Variants in RPS6KA2 observed in about 807,000 individuals in gnomAD.
The protein encoded by RPS6KA2 is ribosomal protein S6 kinase alpha-2.
RPS6KA2 carries 42 observed loss-of-function variants against 91.8 expected under a neutral mutation model. The observed-to-expected ratio is 0.46, with a 90% CI of 0.36 to 0.59. RPS6KA2 has a LOEUF of 0.59. RPS6KA2 is among the 20% of genes least tolerant of loss of function. The pLI is 0.00. For missense variants in RPS6KA2, 798 were observed against 978.5 expected, an observed-to-expected ratio of 0.82 and a Z score of 2.46; for synonymous variants, 414 against 393.6, an observed-to-expected ratio of 1.05 and a Z score of -0.61.
At chr6:166,466,897 C>CATT (rs1780549150) in intron 11 of RPS6KA2, among the ~76,000 whole-genome samples, 1 of 112,716 alleles carries the variant, frequency 8.9e-6, no homozygotes, top group Non-Finnish European at 2.0e-5. Flanking sequence ...TTCACTCACT[C>CATT]CCTCATTCAC....
At chr6:166,542,638 C>A (rs886653621) in intron 1 of RPS6KA2, among the ~76,000 whole-genome samples, 2 of 152,204 alleles carry the variant, frequency 1.3e-5, no homozygotes, top group African/African-American at 4.8e-5. Flanking sequence ...CAGAACTGCA[C>A]TCAAAATTCC....
At chr6:166,814,431 G>C (rs960564798) in intron 2 of RPS6KA2, among the ~76,000 whole-genome samples, 1 of 152,220 alleles carries the variant, frequency 6.6e-6, no homozygotes, top group Admixed American at 6.5e-5. Context: ...TTTAAAGCAA[G>C]AGTTCCCAAC....
intron 19 of RPS6KA2, 115 bp from the exon 20 acceptor site, chr6:166,414,046 G>A (rs1778414441): frequency 1.1e-6 from 1 of 886,602 alleles, no homozygotes. Context: ...ACTATGCTGA[G>A]TGTGGGTCTT....
At chr6:166,701,885 A>C (rs1421655815) in intron 2 of RPS6KA2, 1 of 1,043,140 alleles carries the variant, frequency 9.6e-7, no homozygotes, top group Non-Finnish European at 1.5e-6. Flanking sequence ...CAGTTCCTGC[A>C]ATGGAGATAT....
At chr6:166,796,655 G>A (rs897655037) in intron 2 of RPS6KA2, among the ~76,000 whole-genome samples, 1 of 152,208 alleles carries the variant, frequency 6.6e-6, no homozygotes, top group Non-Finnish European at 1.5e-5. Flanking sequence ...TCCCATTGGA[G>A]CCTCTCTCCT....
chr6:166,566,415 C>T (rs747349069), intron 1 of RPS6KA2, among the ~76,000 whole-genome samples: 2 of 152,222 alleles, frequency 1.3e-5, no homozygotes, highest in Non-Finnish European at 2.9e-5. Context: ...ATGGCTACCA[C>T]CTCAGTCACC....
chr6:166,723,472 T>C (rs1790242095), intron 2 of RPS6KA2, among the ~76,000 whole-genome samples: 1 of 151,708 alleles, frequency 6.6e-6, no homozygotes, highest in Non-Finnish European at 1.5e-5. Context: ...ATGCACCGCC[T>C]TCCTCAGCTG....
At chr6:166,498,280 G>A (rs1360821567) in intron 8 of RPS6KA2, among the ~76,000 whole-genome samples, 3 of 152,190 alleles carry the variant, frequency 2.0e-5, no homozygotes, top group Non-Finnish European at 2.9e-5. Context: ...CTCCTCCCAC[G>A]TCTGCGTTTC....
chr6:166,636,676 C>G (rs960728907), intron 2 of RPS6KA2, among the ~76,000 whole-genome samples: 1 of 152,128 alleles, frequency 6.6e-6, no homozygotes, highest in African/African-American at 2.4e-5. Flanking sequence ...TGACACAGAG[C>G]CCAGCTCACA....
chr6:166,490,353 C>T lies in RPS6KA2; in HGVS notation c.818+318G>A, dbSNP rs1781545011. On this transcript the variant is annotated intron_variant, in intron 9 of 20. Coordinates refer to ENST00000265678, the MANE Select transcript of RPS6KA2 (RefSeq NM_021135.6). This position sits in a 1 kb window ranked among gnomAD's most constrained non-coding sequence, Gnocchi z 4.2. ...TCACGCTTGAAAACCAGCCACTACA[C>T]ATTCTAAGTGACTTACTGATGGAAA... 6.6e-6 allele frequency among the ~76,000 whole-genome samples: 1 copy of T among 152,126 alleles called. No homozygotes were observed. Among genetic ancestry groups the T allele is most frequent in the South Asian group, 2.1e-4 (1 of 4,826 alleles).
chr6:166,660,312 ATGTG>A (rs1491448418), intron 2 of RPS6KA2, among the ~76,000 whole-genome samples: 1 of 148,488 alleles, frequency 6.7e-6, no homozygotes, highest in Non-Finnish European at 1.5e-5. Context: ...GTGTGTGTGC[ATGTG>A]TGTGTGTGTG....
At chr6:166,808,157 C>G (rs939193651) in intron 2 of RPS6KA2, among the ~76,000 whole-genome samples, 1 of 152,216 alleles carries the variant, frequency 6.6e-6, no homozygotes, top group Non-Finnish European at 1.5e-5. Flanking sequence ...CTGGACCGGG[C>G]TGGGACAGGT....
intron 17 of RPS6KA2, among the ~76,000 whole-genome samples, chr6:166,422,506 A>C (rs998877474): frequency 6.6e-6 from 1 of 152,052 alleles, no homozygotes; most frequent in Admixed American, 6.6e-5. Context: ...CTTCCTTCCC[A>C]GTTCCCTCCT....
At position 166,648,085 on chromosome 6, in the gene RPS6KA2, TAC is replaced by T. The variant is rs148131554; in HGVS notation, c.124-109303_124-109302del. Among the ~76,000 whole-genome samples the T allele has an allele frequency of 1.7e-4, 22 of 130,564 alleles. No individual in the cohort carries two copies. The East Asian group carries it at 1.9e-3, about 11-fold the overall frequency. The allele number at this position is 130,564 out of a possible 152,430, so 85.7% of individuals were successfully genotyped here. A position where few individuals can be genotyped will look rare whatever the true frequency, so the allele number is the denominator to read the frequency against. On this transcript the variant is annotated intron_variant, in intron 2 of 21. Coordinates refer to the RPS6KA2 transcript ENST00000503859. This position sits in a 1 kb window ranked among gnomAD's most constrained non-coding sequence, Gnocchi z 4.8. ...ACACACATGCACACGCACATGGTCA[TAC>T]ACACACGCTCATACACACACGTGCA... is the stretch of plus-strand genomic sequence containing the variant.
At chr6:166,543,794 C>T (rs1240388377) in intron 1 of RPS6KA2, among the ~76,000 whole-genome samples, 1 of 152,190 alleles carries the variant, frequency 6.6e-6, no homozygotes, top group Admixed American at 6.5e-5. Context: ...GAGGCCCATC[C>T]ATCACAGGCA....
chr6:166,439,690 C>T (rs774817973), intron 14 of RPS6KA2, among the ~76,000 whole-genome samples: 18 of 152,042 alleles, frequency 1.2e-4, no homozygotes, highest in African/African-American at 3.1e-4. Context: ...AAGATGGAGG[C>T]GGGGAACTAA....
chr6:166,750,709 G>T (rs1791254197), intron 2 of RPS6KA2, among the ~76,000 whole-genome samples: 1 of 152,148 alleles, frequency 6.6e-6, no homozygotes, highest in Non-Finnish European at 1.5e-5. Flanking sequence ...CATTGGTCTG[G>T]GACATTGCCA....
chr6:166,731,127 AG>A (rs1354608792), intron 2 of RPS6KA2, among the ~76,000 whole-genome samples: 1 of 152,126 alleles, frequency 6.6e-6, no homozygotes, highest in Non-Finnish European at 1.5e-5. Flanking sequence ...CTGTAATCCC[AG>A]CTACTCGGGA....
chr6:166,550,563 G>A (rs969488345), intron 1 of RPS6KA2, among the ~76,000 whole-genome samples: 2 of 152,156 alleles, frequency 1.3e-5, no homozygotes, highest in East Asian at 1.9e-4. Context: ...GAACATGGAC[G>A]CCTGCAATAT....
Sources: allele counts gnomAD v4.1 joint callset (sites outside exome capture counted in the v4.1 genomes callset), GRCh38; gene constraint gnomAD v4.1.1; non-coding constraint Gnocchi (gnomAD v3.1); transcripts MANE v1.5; gene names NCBI Gene and HGNC (gene_info 2026-07-23, HGNC 2026-07-21).